Variants in CUL4A observed in about 807,000 individuals in gnomAD.
CUL4A encodes the protein cullin-4A.
A neutral mutation model predicts 95.5 loss-of-function variants in CUL4A; 16 were observed. The observed-to-expected ratio is 0.17, with a 90% CI of 0.11 to 0.25. CUL4A has a LOEUF of 0.25. Among genes scored for constraint, CUL4A ranks in the 10% least tolerant of loss-of-function variants. CUL4A has a pLI of 1.00. For synonymous variants in CUL4A, 380 were observed against 353.1 expected, an observed-to-expected ratio of 1.08 and a Z score of -0.85; for missense variants, 610 against 937.0, an observed-to-expected ratio of 0.65 and a Z score of 4.56.
chr13:113,248,906 T>G (rs986563920), intron 15 of CUL4A, among the ~76,000 whole-genome samples: 2 of 152,220 alleles, frequency 1.3e-5, no homozygotes, highest in South Asian at 2.1e-4. Context: ...ATCCTTTTTT[T>G]GCTTTCGAAT....
At chr13:113,209,605 G>A (rs1376329690), upstream of CUL4A, 5 of 1,018,056 alleles carry the variant, frequency 4.9e-6, no homozygotes, top group African/African-American at 7.0e-5. Flanking sequence ...CTCGGGGCGG[G>A]GCGCGGCGGT....
Position 113,233,240 on chromosome 13 carries a change from C to T in CUL4A, c.576C>T (p.Thr192=), listed in dbSNP as rs2041420813. Residue 192 remains threonine, a synonymous_variant, in exon 6 of 20, where the codon ACC becomes ACT. Transcript: ENST00000375440. ...GTGATAAAATGGTTCAGAGTAAAACCATTGATGGAATCCTACTGCTGATCG... is the reference window on the plus strand; with the variant it reads ...GTGATAAAATGGTTCAGAGTAAAACTATTGATGGAATCCTACTGCTGATCG... ...IISDKMVQSK[T]IDGILLLIER... is the part of the protein sequence containing the mutation. The T allele has an allele frequency of 6.2e-7, 1 of 1,614,050 alleles. No individual in the cohort carries two copies. Among genetic ancestry groups the T allele is most frequent in the Non-Finnish European group, 8.5e-7 (1 of 1,180,006 alleles).
chr13:113,239,336 G>T, intron 9 of CUL4A, 97 bp from the exon 10 acceptor site: 2 of 1,014,214 alleles, frequency 2.0e-6, no homozygotes, highest in Non-Finnish European at 1.6e-6. Context: ...ATTTCTAAGC[G>T]GTGTATTGAC....
intron 16 of CUL4A, 64 bp downstream of exon 16, chr13:113,253,259 T>C: frequency 3.7e-6 from 3 of 801,606 alleles, no homozygotes; most frequent in Non-Finnish European, 5.5e-6. Context: ...TTTTTTATTG[T>C]TACTGGACTT....
intron 15 of CUL4A, among the ~76,000 whole-genome samples, chr13:113,247,767 T>G (rs1307805888): frequency 6.6e-6 from 1 of 152,222 alleles, no homozygotes; most frequent in African/African-American, 2.4e-5. Context: ...TGTTTGTGCT[T>G]CTGCACCATT....
chr13:113,221,110 G>A (rs972655755), intron 3 of CUL4A, among the ~76,000 whole-genome samples: 16 of 152,310 alleles, frequency 1.1e-4, no homozygotes, highest in African/African-American at 3.1e-4. Flanking sequence ...TGTGGCTGTG[G>A]CACCAGAAGC....
intron 4 of CUL4A, 33 bp from the exon 5 acceptor site, chr13:113,229,413 C>T: frequency 6.3e-7 from 1 of 1,595,458 alleles, no homozygotes; most frequent in Non-Finnish European, 8.6e-7. Flanking sequence ...TAGTAGAATT[C>T]ATAAGTAAAT....
chr13:113,225,839 A>G (rs187878744), intron 3 of CUL4A, among the ~76,000 whole-genome samples: 83 of 152,330 alleles, frequency 5.4e-4, no homozygotes, highest in African/African-American at 1.9e-3. Context: ...ATAATGAGCC[A>G]TTATAATTTT....
At chr13:113,217,354 TA>T (rs1242423703) in intron 2 of CUL4A, among the ~76,000 whole-genome samples, 2 of 152,210 alleles carry the variant, frequency 1.3e-5, no homozygotes, top group Non-Finnish European at 2.9e-5. Context: ...AGAAAGGAGT[TA>T]AAGTAAATAC....
chr13:113,218,975 T>G lies in CUL4A; in HGVS notation c.295T>G (p.Ser99Ala), dbSNP rs2040797666. 1 of 1,613,270 alleles carries G rather than the reference T, an allele frequency of 6.2e-7. No homozygotes were observed. The change falls in exon 3 of 20, where the codon TCC (serine) becomes GCC (alanine). Residue 99 changes from serine to alanine, a missense_variant. Ser to Ala is a moderately conservative substitution (Grantham distance 99). Coordinates refer to ENST00000375440, the MANE Select transcript of CUL4A (RefSeq NM_001008895.4). Reference protein sequence around the residue: ...AVENLCSHKVSPMLYKQLRQA... With the variant: ...AVENLCSHKVAPMLYKQLRQA... Reference sequence around the variant, plus strand: ...GGAAAATCTCTGTTCTCACAAAGTCTCCCCAATGCTCTACAAGCAACTGCG... The same window carrying G: ...GGAAAATCTCTGTTCTCACAAAGTCGCCCCAATGCTCTACAAGCAACTGCG...
At position 113,240,328 on chromosome 13, in the gene CUL4A, A is replaced by G. The variant is rs545978731; in HGVS notation, c.1035+777A>G. 3.4e-4 allele frequency among the ~76,000 whole-genome samples: 52 copies of G among 152,306 alleles called. No homozygotes were observed. In the South Asian group the frequency reaches 9.3e-3, roughly 27 times the overall value. On this transcript the variant is annotated intron_variant, in intron 10 of 19. Coordinates refer to ENST00000375440, the MANE Select transcript of CUL4A (RefSeq NM_001008895.4). ...TCACCACAAAGAATCACCTGCCCAG[A>G]GGGCCAGAGTTGCCCAGCCCAAGAA... is the stretch of plus-strand genomic sequence containing the variant.
intron 18 of CUL4A, among the ~76,000 whole-genome samples, chr13:113,259,822 T>C: frequency 6.6e-6 from 1 of 152,148 alleles, no homozygotes; most frequent in East Asian, 1.9e-4. Context: ...TTTGGAGTTT[T>C]GCTATTCTGG....
chr13:113,220,895 G>A (rs976476097), intron 3 of CUL4A, among the ~76,000 whole-genome samples: 3 of 152,170 alleles, frequency 2.0e-5, no homozygotes, highest in African/African-American at 7.2e-5. Context: ...TGGTGCAGTG[G>A]CAAAACTGTG....
intron 16 of CUL4A, among the ~76,000 whole-genome samples, chr13:113,253,828 T>A (rs1255685873): frequency 6.6e-6 from 1 of 152,190 alleles, no homozygotes; most frequent in Non-Finnish European, 1.5e-5. Context: ...GAAAGGCGCT[T>A]ATGAAACGGC....
At chr13:113,257,481 C>T (rs1047681672) in intron 18 of CUL4A, among the ~76,000 whole-genome samples, 5 of 152,236 alleles carry the variant, frequency 3.3e-5, no homozygotes, top group South Asian at 2.1e-4. Context: ...CAGCTTCTGA[C>T]GAGGCCTCAG....
intron 7 of CUL4A, among the ~76,000 whole-genome samples, 165 bp downstream of exon 7, chr13:113,234,151 A>G (rs2041458360): frequency 6.6e-6 from 1 of 152,206 alleles, no homozygotes; most frequent in African/African-American, 2.4e-5. Flanking sequence ...CTTCGTTCTT[A>G]GTATACTAAG....
chr13:113,258,795 T>C (rs2042197449), intron 18 of CUL4A, among the ~76,000 whole-genome samples: 1 of 152,192 alleles, frequency 6.6e-6, no homozygotes, highest in African/African-American at 2.4e-5. Context: ...GCCAACGCTT[T>C]CCTGAAGAAG....
At chr13:113,233,822 A>T in intron 6 of CUL4A, 75 bp from the exon 7 acceptor site, 1 of 896,982 alleles carries the variant, frequency 1.1e-6, no homozygotes, top group Non-Finnish European at 1.9e-6. Flanking sequence ...GCCCCGTCAG[A>T]AACTGGGATG....
At position 113,236,853 on chromosome 13, in the gene CUL4A, G is replaced by A. The variant is rs2041561780; in HGVS notation, c.879G>A (p.Gln293=). The A allele has an allele frequency of 6.2e-7, 1 of 1,612,490 alleles. No individual in the cohort carries two copies. The highest frequency in any genetic ancestry group is 1.3e-5 in the African/African-American group (1 of 74,846). The change falls in exon 9 of 20, where the codon CAG becomes CAA. Residue 293 remains glutamine, a synonymous_variant. Coordinates refer to ENST00000375440, the MANE Select transcript of CUL4A (RefSeq NM_001008895.4). The part of the protein sequence containing the change: ...QKPLIACVEK[Q]LLGEHLTAIL... ...CACTGATTGCTTGTGTGGAGAAACA[G>A]CTATTAGGAGAACATTTAACAGCAA...
Sources: allele counts gnomAD v4.1 joint callset (sites outside exome capture counted in the v4.1 genomes callset), GRCh38; gene constraint gnomAD v4.1.1; transcripts MANE v1.5; gene names NCBI Gene and HGNC (gene_info 2026-07-23, HGNC 2026-07-21).